Variants in SPAG16 observed in about 807,000 individuals in gnomAD.
SPAG16 encodes sperm associated antigen 16.
In SPAG16, 86 loss-of-function variants were observed where a neutral mutation model predicts 80.4. The ratio of observed to expected loss-of-function variants is 1.07; its 90% CI spans 0.90 to 1.28. The LOEUF is 1.28. Among genes scored for constraint, SPAG16 ranks in the 50% most tolerant of loss-of-function variants. The pLI is 0.00. For missense variants in SPAG16, 870 were observed against 765.3 expected (o/e 1.14, Z -1.61); for synonymous variants, 294 against 265.9 (o/e 1.11, Z -1.03).
intron 12 of SPAG16, among the ~76,000 whole-genome samples, chr2:213,978,499 G>A (rs2045533475): frequency 6.6e-6 from 1 of 152,042 alleles, no homozygotes; most frequent in South Asian, 2.1e-4. Context: ...CCTATTGCCT[G>A]GTTTCAAAAT....
chr2:214,148,671 GCTAA>G (rs3043748), intron 14 of SPAG16, among the ~76,000 whole-genome samples: 148,544 of 151,958 alleles, frequency 0.98, 72,679 homozygotes, highest in East Asian at 1. Context: ...AATTATCAAT[GCTAA>G]CTAACTGTGA....
intron 14 of SPAG16, 76 bp from the exon 15 acceptor site, chr2:214,149,064 T>A: frequency 3.4e-6 from 1 of 296,476 alleles, no homozygotes; most frequent in Non-Finnish European, 4.5e-6. Context: ...TATATATATA[T>A]GTGTGTGTGT....
chr2:213,677,366 G>A (rs1003559658), intron 10 of SPAG16, among the ~76,000 whole-genome samples: 2 of 152,104 alleles, frequency 1.3e-5, no homozygotes, highest in Non-Finnish European at 2.9e-5. Context: ...TTGTATTTGG[G>A]AAACCCATCT....
chr2:214,111,752 C>T (rs183370123), intron 14 of SPAG16, among the ~76,000 whole-genome samples: 77 of 151,534 alleles, frequency 5.1e-4, no homozygotes, highest in African/African-American at 1.6e-3. Flanking sequence ...TCTTCCTATC[C>T]GTGACCATGG....
chr2:213,425,431 C>T (rs903942152), intron 9 of SPAG16, among the ~76,000 whole-genome samples: 1 of 152,048 alleles, frequency 6.6e-6, no homozygotes, highest in Admixed American at 6.6e-5. Flanking sequence ...GGGTGGATTG[C>T]CTGAGGTCAG....
chr2:214,308,907 C>T lies in SPAG16; in HGVS notation c.1721-101233C>T, dbSNP rs185020749. On this transcript the variant is annotated intron_variant, in intron 15 of 15. Transcript: ENST00000331683. ...TGGAGTGTCTTACTGAGGTTCTCTG[C>T]GTTTCCTGAATTTAAGTGTTGCCCT... 7.0e-4 allele frequency among the ~76,000 whole-genome samples: 106 copies of T among 152,060 alleles called. 1 individual carries two copies. The highest frequency in any genetic ancestry group is 3.4e-3 in the Middle Eastern group (1 of 294).
At chr2:213,343,529 G>T (rs1260007555) in intron 6 of SPAG16, among the ~76,000 whole-genome samples, 1 of 151,888 alleles carries the variant, frequency 6.6e-6, no homozygotes, top group Admixed American at 6.6e-5. Context: ...CCTATAATCA[G>T]GAAAAAGCAG....
At chr2:214,068,450 C>T (rs2050632351) in intron 13 of SPAG16, among the ~76,000 whole-genome samples, 1 of 152,086 alleles carries the variant, frequency 6.6e-6, no homozygotes, top group Non-Finnish European at 1.5e-5. Context: ...TTATCAGTAA[C>T]CATGGTTCCC....
chr2:213,988,697 C>A (rs918645652), intron 12 of SPAG16, among the ~76,000 whole-genome samples: 8 of 151,136 alleles, frequency 5.3e-5, no homozygotes, highest in African/African-American at 7.3e-5. Flanking sequence ...AAAAAACATT[C>A]AAAATAGCTC....
chr2:213,436,293 C>T (rs1375315318), intron 9 of SPAG16, among the ~76,000 whole-genome samples: 2 of 152,262 alleles, frequency 1.3e-5, no homozygotes, highest in Admixed American at 6.5e-5. Context: ...GTGTGGCTAA[C>T]GGATTGGGTA....
intron 10 of SPAG16, among the ~76,000 whole-genome samples, chr2:213,855,747 A>C (rs752027489): frequency 1.6e-4 from 25 of 152,158 alleles, no homozygotes; most frequent in Non-Finnish European, 3.1e-4. Flanking sequence ...AAACCATCAG[A>C]TCTCATAAGA....
intron 10 of SPAG16, among the ~76,000 whole-genome samples, chr2:213,564,023 A>T (rs1178636557): frequency 3.9e-5 from 6 of 152,212 alleles, no homozygotes; most frequent in Non-Finnish European, 5.9e-5. Flanking sequence ...AGAAGATAAC[A>T]TCTACCTACA....
chr2:213,894,376 T>C (rs2076907994), intron 11 of SPAG16, among the ~76,000 whole-genome samples: 1 of 152,168 alleles, frequency 6.6e-6, no homozygotes, highest in Non-Finnish European at 1.5e-5. Flanking sequence ...ATAAAAGCAC[T>C]TGATAAAATT....
chr2:213,596,011 A>C (rs2060875145), intron 10 of SPAG16, among the ~76,000 whole-genome samples: 1 of 152,108 alleles, frequency 6.6e-6, no homozygotes, highest in African/African-American at 2.4e-5. Flanking sequence ...CTCTAGATAC[A>C]TCATTTTGCT....
intron 15 of SPAG16, among the ~76,000 whole-genome samples, chr2:214,235,623 T>C (rs1341871257): frequency 6.6e-6 from 1 of 152,174 alleles, no homozygotes; most frequent in Non-Finnish European, 1.5e-5. Flanking sequence ...TTTATTCCAT[T>C]GAAGAACTTA....
intron 13 of SPAG16, among the ~76,000 whole-genome samples, chr2:214,030,347 C>T (rs907030165): frequency 4.6e-5 from 7 of 152,072 alleles, no homozygotes; most frequent in African/African-American, 1.4e-4. Context: ...TATGTATATA[C>T]CATATGATCC....
intron 13 of SPAG16, among the ~76,000 whole-genome samples, chr2:214,103,822 G>A (rs1206577450): frequency 3.3e-5 from 5 of 152,028 alleles, no homozygotes; most frequent in Non-Finnish European, 5.9e-5. Flanking sequence ...GTGAGAACCG[G>A]GTGTACCTTG....
intron 3 of SPAG16, among the ~76,000 whole-genome samples, chr2:213,308,364 C>T (rs2063038746): frequency 6.6e-6 from 1 of 152,058 alleles, no homozygotes; most frequent in South Asian, 2.1e-4. Flanking sequence ...TGTCAGAATA[C>T]TACATACAGT....
intron 13 of SPAG16, among the ~76,000 whole-genome samples, chr2:214,019,713 A>G (rs1020763407): frequency 6.6e-6 from 1 of 152,160 alleles, no homozygotes; most frequent in Non-Finnish European, 1.5e-5. Context: ...AGAGGAGCCT[A>G]ATATTCAGAA....
Sources: allele counts gnomAD v4.1 joint callset (sites outside exome capture counted in the v4.1 genomes callset), GRCh38; gene constraint gnomAD v4.1.1; transcripts MANE v1.5; gene names NCBI Gene and HGNC (gene_info 2026-07-23, HGNC 2026-07-21).